Variants in NXPH1 observed in about 807,000 individuals in gnomAD.
The protein encoded by NXPH1 is neurexophilin-1.
A neutral mutation model predicts 23.7 loss-of-function variants in NXPH1; 5 were observed. That is an observed-to-expected ratio of 0.21 (90% CI 0.11 to 0.44). The LOEUF is 0.44. Among genes scored for constraint, NXPH1 ranks in the 20% least tolerant of loss-of-function variants. The probability of loss-of-function intolerance (pLI) is 0.99; values close to 1 mark genes in which losing one functional copy is unlikely to be tolerated. For missense variants in NXPH1, 324 were observed against 321.6 expected (o/e 1.01, Z -0.06); for synonymous variants, 144 against 122.2 (o/e 1.18, Z -1.18).
At chr7:8,596,872 C>T (rs1012304039) in intron 2 of NXPH1, among the ~76,000 whole-genome samples, 1 of 152,032 alleles carries the variant, frequency 6.6e-6, no homozygotes, top group African/African-American at 2.4e-5. Flanking sequence ...CGAATGGGTA[C>T]ATACAATTTT....
intron 2 of NXPH1, among the ~76,000 whole-genome samples, chr7:8,718,127 C>T (rs1779908174): frequency 6.6e-6 from 1 of 152,060 alleles, no homozygotes; most frequent in Non-Finnish European, 1.5e-5. Flanking sequence ...AATGCATTTG[C>T]TCTCTCTCAA....
chr7:8,442,495 G>A lies in NXPH1; in HGVS notation c.54+6728G>A, dbSNP rs1189755656. Among the ~76,000 whole-genome samples, 2 of 152,192 alleles carry A rather than the reference G, an allele frequency of 1.3e-5. No individual in the cohort carries two copies. The highest frequency in any genetic ancestry group is 2.9e-5 in the Non-Finnish European group (2 of 68,032). On this transcript the variant is annotated intron_variant, in intron 2 of 2. Coordinates refer to ENST00000405863, the MANE Select transcript of NXPH1 (RefSeq NM_152745.3). The surrounding 1 kb of genome is among the most constrained non-coding windows in gnomAD (Gnocchi z 4.6). Reference sequence around the variant, plus strand: ...GCGTCCTCGCCACACCGGAAGGAGAGGGCATCCGGCTCACACATCCCACCC... The same window carrying A: ...GCGTCCTCGCCACACCGGAAGGAGAAGGCATCCGGCTCACACATCCCACCC...
At chr7:8,493,406 C>G (rs1325310581) in intron 2 of NXPH1, among the ~76,000 whole-genome samples, 2 of 151,992 alleles carry the variant, frequency 1.3e-5, no homozygotes, top group African/African-American at 4.8e-5. Context: ...ATTGGTATAT[C>G]AGACTGCCTT....
chr7:8,473,506 A>G lies in NXPH1; in HGVS notation c.54+37739A>G, dbSNP rs138788990. Reference sequence around the variant, plus strand: ...GGTGTGAGGCTTCAGATTAACACCTACTTAAATAATTGCTCTCTTATTGGA... The same window carrying G: ...GGTGTGAGGCTTCAGATTAACACCTGCTTAAATAATTGCTCTCTTATTGGA... On this transcript the variant is annotated intron_variant, in intron 2 of 2. Transcript: ENST00000405863. 8.6e-3 allele frequency among the ~76,000 whole-genome samples: 1,303 copies of G among 152,232 alleles called. 6 individuals carry two copies. The highest frequency in any genetic ancestry group is 0.013 in the Non-Finnish European group (871 of 67,994).
At chr7:8,562,239 C>T (rs1407566867) in intron 2 of NXPH1, among the ~76,000 whole-genome samples, 2 of 151,602 alleles carry the variant, frequency 1.3e-5, no homozygotes, top group African/African-American at 4.8e-5. Flanking sequence ...ATTGAAGAGG[C>T]TTTTTAAGAA....
chr7:8,533,444 A>G, intron 2 of NXPH1, among the ~76,000 whole-genome samples: 1 of 152,168 alleles, frequency 6.6e-6, no homozygotes, highest in South Asian at 2.1e-4. Flanking sequence ...TCCCTCCCCT[A>G]TAAAGATCAA....
At chr7:8,516,830 G>A (rs1356152079) in intron 2 of NXPH1, among the ~76,000 whole-genome samples, 9 of 152,030 alleles carry the variant, frequency 5.9e-5, no homozygotes, top group Admixed American at 3.3e-4. Flanking sequence ...AATCATGAAC[G>A]ACTATAGAGA....
At chr7:8,462,696 T>C (rs1340798569) in intron 2 of NXPH1, among the ~76,000 whole-genome samples, 1 of 152,230 alleles carries the variant, frequency 6.6e-6, no homozygotes, top group Non-Finnish European at 1.5e-5. Flanking sequence ...TGTATAGATA[T>C]CTCAAAACAA....
intron 2 of NXPH1, among the ~76,000 whole-genome samples, chr7:8,574,710 T>C (rs1818719501): frequency 6.6e-6 from 1 of 152,158 alleles, no homozygotes; most frequent in Admixed American, 6.6e-5. Flanking sequence ...AAATTCAACT[T>C]GATCTTGTTC....
intron 2 of NXPH1, among the ~76,000 whole-genome samples, chr7:8,744,615 C>A (rs1208084480): frequency 1.3e-5 from 2 of 152,190 alleles, no homozygotes; most frequent in Non-Finnish European, 2.9e-5. Context: ...TGTCTCCAGA[C>A]CTTCAGATCC....
At chr7:8,503,460 T>C (rs1817471146) in intron 2 of NXPH1, among the ~76,000 whole-genome samples, 1 of 152,032 alleles carries the variant, frequency 6.6e-6, no homozygotes, top group South Asian at 2.1e-4. Context: ...CCCACTACAC[T>C]TGAAGATTGA....
chr7:8,560,252 A>G (rs764055063), intron 2 of NXPH1, among the ~76,000 whole-genome samples: 7 of 151,712 alleles, frequency 4.6e-5, no homozygotes, highest in South Asian at 2.1e-4. Context: ...CTCAAACCCA[A>G]CCTTCTCATA....
chr7:8,674,043 A>G (rs1291063665), intron 2 of NXPH1, among the ~76,000 whole-genome samples: 1 of 152,126 alleles, frequency 6.6e-6, no homozygotes, highest in African/African-American at 2.4e-5. Flanking sequence ...CAAATAAGAT[A>G]CAGTATTGGA....
chr7:8,717,786 A>G lies in NXPH1; in HGVS notation c.55-33222A>G, dbSNP rs1484224884. On this transcript the variant is annotated intron_variant, in intron 2 of 2. Transcript: ENST00000405863. ...AAACTTCTTGATCTTTACATCATTC[A>G]TGTCTATTTTAAAGTGCATTTGAGA... Among the ~76,000 whole-genome samples the G allele has an allele frequency of 2.0e-5, 3 of 152,076 alleles. No homozygotes were observed. The East Asian group carries it at 5.8e-4, about 29-fold the overall frequency.
intron 2 of NXPH1, among the ~76,000 whole-genome samples, chr7:8,478,151 A>G (rs1817008982): frequency 6.6e-6 from 1 of 152,104 alleles, no homozygotes; most frequent in Non-Finnish European, 1.5e-5. Flanking sequence ...GAGAACTTGC[A>G]AAAATGTGTA....
intron 2 of NXPH1, among the ~76,000 whole-genome samples, chr7:8,704,483 T>C (rs1779673312): frequency 6.6e-6 from 1 of 152,144 alleles, no homozygotes; most frequent in Non-Finnish European, 1.5e-5. Context: ...AGTCACTCTC[T>C]TCTATAAGCC....
At chr7:8,587,523 A>T (rs989941866) in intron 2 of NXPH1, among the ~76,000 whole-genome samples, 2 of 152,114 alleles carry the variant, frequency 1.3e-5, no homozygotes, top group African/African-American at 2.4e-5. Context: ...TCTGGGATAC[A>T]TGTGCAGAAC....
At chr7:8,698,974 T>G (rs1197470572) in intron 2 of NXPH1, among the ~76,000 whole-genome samples, 1 of 152,170 alleles carries the variant, frequency 6.6e-6, no homozygotes, top group Non-Finnish European at 1.5e-5. Context: ...GCTTAAATTC[T>G]TGGTGCAAAG....
At chr7:8,750,060 G>T (rs1398439415) in intron 2 of NXPH1, among the ~76,000 whole-genome samples, 1 of 152,186 alleles carries the variant, frequency 6.6e-6, no homozygotes. Context: ...ACCACATGTT[G>T]TTGGTTTCTC....
Sources: allele counts gnomAD v4.1 joint callset (sites outside exome capture counted in the v4.1 genomes callset), GRCh38; gene constraint gnomAD v4.1.1; non-coding constraint Gnocchi (gnomAD v3.1); transcripts MANE v1.5; gene names NCBI Gene and HGNC (gene_info 2026-07-23, HGNC 2026-07-21).